NME5: variants seen among roughly 807,000 people sequenced by gnomAD.
The protein encoded by NME5 is nucleoside diphosphate kinase 5.
A neutral mutation model predicts 21.6 loss-of-function variants in NME5; 18 were observed. The observed-to-expected ratio is 0.83, with a 90% CI of 0.58 to 1.24. NME5 has a LOEUF of 1.24. Ranked by LOEUF, NME5 falls within the 50% of genes most tolerant of loss-of-function variation. NME5 has a pLI of 0.00. For synonymous variants in NME5, 70 were observed against 80.6 expected (o/e 0.87, Z 0.71); for missense variants, 223 against 255.4 (o/e 0.87, Z 0.86).
chr5:138,121,198 G>A (rs1751278965), intron 4 of NME5, among the ~76,000 whole-genome samples: 1 of 151,794 alleles, frequency 6.6e-6, no homozygotes, highest in East Asian at 1.9e-4. Context: ...ATTTTTGGGG[G>A]AGGATCTCTT....
At chr5:138,139,299 G>A in intron 1 of NME5, 72 bp downstream of exon 1, 1 of 901,950 alleles carries the variant, frequency 1.1e-6, no homozygotes, top group Non-Finnish European at 1.3e-6. Flanking sequence ...TGAAAAGCAG[G>A]GCCTCTAGGT....
At chr5:138,130,357 G>T (rs948090689) in intron 2 of NME5, among the ~76,000 whole-genome samples, 2 of 152,154 alleles carry the variant, frequency 1.3e-5, no homozygotes, top group African/African-American at 4.8e-5. Context: ...CTCCAGCCTG[G>T]GCGATAAAGC....
chr5:138,127,708 G>C, intron 4 of NME5: 1 of 983,668 alleles, frequency 1.0e-6, no homozygotes, highest in African/African-American at 1.7e-5. Flanking sequence ...TTCTCTAACA[G>C]TAAGGAAACA....
rs148720732 is a variant in NME5 at position 138,131,570 on chromosome 5, A to C, written c.130-2102T>G. Among the ~76,000 whole-genome samples the C allele has an allele frequency of 3.7e-3, 562 of 151,894 alleles. 3 individuals are homozygous for C. The highest frequency in any genetic ancestry group is 0.013 in the African/African-American group (534 of 41,376). ...ACTCTGTCTAAAAAAAAAAAAAATT[A>C]GATGCTAGTATGTTTCTCAATCTGA... On this transcript the variant is annotated intron_variant, in intron 2 of 5. Coordinates refer to ENST00000265191, the MANE Select transcript of NME5 (RefSeq NM_003551.3).
intron 2 of NME5, among the ~76,000 whole-genome samples, chr5:138,132,160 C>T (rs911717384): frequency 1.3e-5 from 2 of 152,114 alleles, no homozygotes; most frequent in African/African-American, 4.8e-5. Flanking sequence ...AGGAGTTCAA[C>T]ACCAGCCTGG....
intron 2 of NME5, among the ~76,000 whole-genome samples, chr5:138,135,167 A>G (rs1196998595): frequency 2.1e-5 from 3 of 145,456 alleles, no homozygotes; most frequent in Non-Finnish European, 4.5e-5. Context: ...AAATACAAAA[A>G]GTTAGCTGGG....
At chr5:138,124,172 A>AT (rs969135404) in intron 4 of NME5, among the ~76,000 whole-genome samples, 122 of 141,104 alleles carry the variant, frequency 8.6e-4, no homozygotes, top group African/African-American at 2.0e-3. Context: ...AATTTTTTGT[A>AT]TTTTTTTTTT....
intron 5 of NME5, chr5:138,116,283 T>C (rs1751154609): frequency 6.6e-6 from 1 of 152,206 alleles, no homozygotes; most frequent in African/African-American, 2.4e-5. Flanking sequence ...GATACGGAGA[T>C]TTGATATTGT....
chr5:138,120,108 T>C (rs1751250206), intron 4 of NME5, among the ~76,000 whole-genome samples: 1 of 151,716 alleles, frequency 6.6e-6, no homozygotes, highest in Non-Finnish European at 1.5e-5. Flanking sequence ...GCTTTTTTTT[T>C]CTTTAAGTGT....
intron 4 of NME5, among the ~76,000 whole-genome samples, chr5:138,124,380 T>G (rs1751354191): frequency 6.6e-6 from 1 of 152,194 alleles, no homozygotes; most frequent in East Asian, 1.9e-4. Context: ...CTTTGCCCAT[T>G]TTTTAATTGG....
chr5:138,119,719 A>C (rs1055905061), intron 4 of NME5, among the ~76,000 whole-genome samples: 2 of 150,096 alleles, frequency 1.3e-5, no homozygotes, highest in African/African-American at 4.9e-5. Flanking sequence ...GTGCAGCAGC[A>C]CAATCTCAGT....
intron 2 of NME5, among the ~76,000 whole-genome samples, chr5:138,130,562 G>A (rs1163299405): frequency 6.6e-6 from 1 of 152,182 alleles, no homozygotes; most frequent in Admixed American, 6.5e-5. Flanking sequence ...GCCAAGACAG[G>A]CAGATCACTT....
chr5:138,126,616 A>G (rs1011338561), intron 4 of NME5, among the ~76,000 whole-genome samples: 46 of 151,126 alleles, frequency 3.0e-4, no homozygotes, highest in Non-Finnish European at 1.9e-4. Flanking sequence ...TATACCTTCT[A>G]TTTAAGATAA....
chr5:138,132,965 T>C (rs554412644), intron 2 of NME5, among the ~76,000 whole-genome samples: 7 of 152,116 alleles, frequency 4.6e-5, no homozygotes, highest in African/African-American at 1.4e-4. Context: ...TTTTTCTTGC[T>C]GAGTTTAAAA....
At chr5:138,135,250 G>A (rs755945702) in intron 2 of NME5, among the ~76,000 whole-genome samples, 168 of 145,158 alleles carry the variant, frequency 1.2e-3, no homozygotes, top group Non-Finnish European at 1.7e-3. Flanking sequence ...CCTGGGTGGC[G>A]GAGCTTGCCG....
At chr5:138,126,159 C>A (rs75253033) in intron 4 of NME5, among the ~76,000 whole-genome samples, 3,605 of 152,270 alleles carry the variant, frequency 0.024, 59 homozygotes, top group Non-Finnish European at 0.037. Flanking sequence ...AACTATATCT[C>A]TAAACTCATG....
At chr5:138,131,204 TAAAA>T (rs762579967) in intron 2 of NME5, among the ~76,000 whole-genome samples, 29,859 of 80,080 alleles carry the variant, frequency 0.37, 4,554 homozygotes, top group South Asian at 0.48. Flanking sequence ...CCGTCTCTGC[TAAAA>T]AAAAAAAAAA....
intron 2 of NME5, 41 bp downstream of exon 2, chr5:138,138,605 TAAGGGC>T: frequency 1.3e-6 from 2 of 1,551,610 alleles, no homozygotes; most frequent in Admixed American, 4.2e-5. Flanking sequence ...ATTTTTTTTT[TAAGGGC>T]AGAGAGGAAA....
At chr5:138,138,965 A>G in intron 1 of NME5, 180 bp from the exon 2 acceptor site, 1 of 556,280 alleles carries the variant, frequency 1.8e-6, no homozygotes, top group Non-Finnish European at 3.1e-6. Context: ...GGGTCTCAAT[A>G]ATAGGATTCC....
Sources: gnomAD v4.1 joint callset for allele counts (sites outside exome capture counted in the v4.1 genomes callset) on GRCh38, gnomAD v4.1.1 for gene constraint, MANE v1.5 for transcripts, NCBI Gene and HGNC (gene_info 2026-07-23, HGNC 2026-07-21) for gene names.